Variants in LRBA observed in about 807,000 individuals in gnomAD.
LRBA encodes the protein LPS responsive beige-like anchor protein, also known as lipopolysaccharide-responsive and beige-like anchor protein.
Under a neutral mutation model 330.0 loss-of-function variants are expected in LRBA, and 176 were observed. The observed-to-expected ratio is 0.53, with a 90% CI of 0.47 to 0.60. LRBA has a LOEUF of 0.60. LRBA is among the 20% of genes least tolerant of loss of function. The pLI is 0.00. For missense variants in LRBA, 3,259 were observed against 3,444.8 expected (o/e 0.95, Z 1.35); for synonymous variants, 1,230 against 1,193.0 (o/e 1.03, Z -0.64).
chr4:150,738,165 AT>A (rs1342061039), intron 35 of LRBA, among the ~76,000 whole-genome samples: 1 of 151,638 alleles, frequency 6.6e-6, no homozygotes, highest in Non-Finnish European at 1.5e-5. Context: ...TAATTTTTGT[AT>A]TTTTAGTAGA....
At chr4:150,909,684 GA>G (rs1731754582) in intron 9 of LRBA, among the ~76,000 whole-genome samples, 1 of 152,108 alleles carries the variant, frequency 6.6e-6, no homozygotes, top group Admixed American at 6.6e-5. Context: ...TCCCATAAGT[GA>G]GATTACTGGA....
chr4:150,844,691 A>G lies in LRBA; in HGVS notation c.4428T>C (p.His1476=), dbSNP rs779348485. 2 of 1,613,378 alleles carry G rather than the reference A, an allele frequency of 1.2e-6. No individual in the cohort carries two copies. The highest frequency in any genetic ancestry group is 1.1e-5 in the South Asian group (1 of 91,058). The change falls in exon 27 of 57, where the codon CAT becomes CAC. Residue 1476 remains histidine, a synonymous_variant. Transcript: ENST00000651943. The part of the protein sequence containing the change: ...TRGDKALKPM[H]SLIPLGKSAA... ...CAGATTTCCCTAAAGGAATAAGGCT[A>G]TGCATTGGTTTCAAGGCTTTATCTC...
rs1013051557 is a variant in LRBA, at chr4:150,346,769, A to C, written c.7362+3223T>G. Among the ~76,000 whole-genome samples the C allele has an allele frequency of 2.7e-5, 4 of 150,226 alleles. No individual in the cohort carries two copies. In the East Asian group the frequency reaches 5.8e-4, roughly 22 times the overall value. On this transcript the variant is annotated intron_variant, in intron 48 of 56. Transcript: ENST00000651943. ...TGAGACTCTGTCTCAAAAAAAAAAA[A>C]AAAAAAAAAAAAAAAAAACACTTAT... is the stretch of plus-strand genomic sequence containing the variant.
intron 8 of LRBA, among the ~76,000 whole-genome samples, chr4:150,914,899 G>T (rs1426562211): frequency 9.9e-5 from 15 of 152,062 alleles, no homozygotes; most frequent in Non-Finnish European, 1.0e-4. Flanking sequence ...ACTTTCTGAG[G>T]TATGAATATT....
chr4:150,636,485 G>C (rs72736355), intron 37 of LRBA, among the ~76,000 whole-genome samples: 9 of 152,074 alleles, frequency 5.9e-5, no homozygotes, highest in African/African-American at 2.2e-4. Context: ...AAGGTGCTAT[G>C]AGCTCATCTT....
chr4:150,657,800 G>A (rs536892124), intron 37 of LRBA, among the ~76,000 whole-genome samples: 23 of 152,116 alleles, frequency 1.5e-4, no homozygotes, highest in African/African-American at 5.5e-4. Context: ...ACTCTTAAGT[G>A]TTTAACATAC....
At chr4:150,661,469 C>CAAAAAAA (rs563120801) in intron 37 of LRBA, among the ~76,000 whole-genome samples, 1 of 65,014 alleles carries the variant, frequency 1.5e-5, no homozygotes. Flanking sequence ...GACTCTGTCT[C>CAAAAAAA]AAAAAAAAAA....
At chr4:150,800,351 T>C (rs1015390159) in intron 33 of LRBA, among the ~76,000 whole-genome samples, 1 of 152,190 alleles carries the variant, frequency 6.6e-6, no homozygotes, top group African/African-American at 2.4e-5. Flanking sequence ...AGAGACCTGA[T>C]AACAGACCTT....
chr4:150,631,037 T>C (rs1777326878), intron 37 of LRBA, among the ~76,000 whole-genome samples: 1 of 152,084 alleles, frequency 6.6e-6, no homozygotes, highest in African/African-American at 2.4e-5. Context: ...ATACAAATAT[T>C]TGAAGAGAAC....
intron 36 of LRBA, among the ~76,000 whole-genome samples, chr4:150,694,462 C>A (rs75453046): frequency 6.9e-3 from 490 of 70,884 alleles, no homozygotes; most frequent in Middle Eastern, 0.043. Flanking sequence ...TGATCTTTAA[C>A]AAAAAAAAAA....
intron 2 of LRBA, among the ~76,000 whole-genome samples, chr4:150,983,582 A>G (rs1741099081): frequency 6.7e-6 from 1 of 150,144 alleles, no homozygotes; most frequent in South Asian, 2.1e-4. Context: ...CCTCCCGAGT[A>G]GCTGGGATTA....
intron 35 of LRBA, among the ~76,000 whole-genome samples, chr4:150,761,452 A>T (rs1023636132): frequency 6.6e-6 from 1 of 152,036 alleles, no homozygotes; most frequent in Non-Finnish European, 1.5e-5. Context: ...AATTCTAATT[A>T]TTGGCTCTAC....
intron 53 of LRBA, among the ~76,000 whole-genome samples, chr4:150,292,719 T>C (rs1040208387): frequency 1.3e-5 from 2 of 152,290 alleles, no homozygotes; most frequent in African/African-American, 4.8e-5. Context: ...AACACAGCCT[T>C]TTATTTAAAA....
At chr4:151,013,947 TACTA>T (rs983632291) in intron 2 of LRBA, 5 of 152,918 alleles carry the variant, frequency 3.3e-5, no homozygotes, top group Non-Finnish European at 7.3e-5. Context: ...AAATTAAAAA[TACTA>T]ACTTTGCAGC....
At chr4:150,688,364 T>C (rs978549013) in intron 36 of LRBA, among the ~76,000 whole-genome samples, 1 of 152,114 alleles carries the variant, frequency 6.6e-6, no homozygotes, top group Non-Finnish European at 1.5e-5. Flanking sequence ...GAAGAAAACC[T>C]AGGCAATGCC....
chr4:150,570,794 T>A (rs2152283300), intron 40 of LRBA, among the ~76,000 whole-genome samples: 1 of 152,262 alleles, frequency 6.6e-6, no homozygotes, highest in South Asian at 2.1e-4. Context: ...TTCCTTGGTT[T>A]CGTTACCTTT....
At chr4:150,468,665 T>C (rs1467652106) in intron 43 of LRBA, among the ~76,000 whole-genome samples, 8 of 152,058 alleles carry the variant, frequency 5.3e-5, no homozygotes, top group Non-Finnish European at 1.2e-4. Flanking sequence ...ACGGTGAACA[T>C]AGAGACAAGT....
At chr4:150,435,441 C>T (rs1014147981) in intron 46 of LRBA, 148 bp downstream of exon 46, 17 of 650,596 alleles carry the variant, frequency 2.6e-5, no homozygotes, top group Admixed American at 2.2e-4. Flanking sequence ...GAGAGACATG[C>T]TGTAATTCTT....
chr4:150,652,558 GT>G (rs1298151894), intron 37 of LRBA, among the ~76,000 whole-genome samples: 1 of 151,800 alleles, frequency 6.6e-6, no homozygotes, highest in Non-Finnish European at 1.5e-5. Context: ...ACATTTTAAA[GT>G]TTTCTAACAG....
Sources: allele counts gnomAD v4.1 joint callset (sites outside exome capture counted in the v4.1 genomes callset), GRCh38; gene constraint gnomAD v4.1.1; transcripts MANE v1.5; gene names NCBI Gene and HGNC (gene_info 2026-07-23, HGNC 2026-07-21).